The following HDLBP variants were observed in gnomAD, a reference collection of about 807,000 sequenced individuals.
The protein encoded by HDLBP is vigilin.
In HDLBP, 30 loss-of-function variants were observed where a neutral mutation model predicts 137.3. The ratio of observed to expected loss-of-function variants is 0.22; its 90% CI spans 0.16 to 0.30. The LOEUF is 0.30. Among genes scored for constraint, HDLBP ranks in the 10% least tolerant of loss-of-function variants. HDLBP has a pLI of 1.00. For synonymous variants in HDLBP, 606 were observed against 596.0 expected (o/e 1.02, Z -0.24); for missense variants, 1,119 against 1,667.3 (o/e 0.67, Z 5.73).
intron 1 of HDLBP, among the ~76,000 whole-genome samples, chr2:241,284,670 G>A (rs1414622402): frequency 6.6e-6 from 1 of 152,202 alleles, no homozygotes; most frequent in African/African-American, 2.4e-5. Context: ...AACATCACGT[G>A]CTACAGAGAA....
intron 1 of HDLBP, among the ~76,000 whole-genome samples, chr2:241,306,283 T>TG (rs2075571574): frequency 6.6e-6 from 1 of 151,094 alleles, no homozygotes; most frequent in South Asian, 2.1e-4. Flanking sequence ...TTTTTTGAGA[T>TG]GGAGTCTTGT....
In HDLBP at chr2:241,255,043, G is replaced by A; in HGVS notation, c.1188+8C>T. On this transcript the variant is annotated splice_region_variant and intron_variant, in intron 9 of 27. Coordinates refer to ENST00000310931, the MANE Select transcript of HDLBP (RefSeq NM_005336.6). Reference sequence around the variant, plus strand: ...ATTCAATACAACAGGTGAAAAACGTGTCCTTACCTTTGGCATCTGCTGAGT... The same window carrying A: ...ATTCAATACAACAGGTGAAAAACGTATCCTTACCTTTGGCATCTGCTGAGT... The A allele has an allele frequency of 6.3e-7, 1 of 1,580,806 alleles. No individual in the cohort carries two copies. The highest frequency in any genetic ancestry group is 8.7e-7 in the Non-Finnish European group (1 of 1,149,680).
chr2:241,314,472 A>G (rs571342963), intron 1 of HDLBP, among the ~76,000 whole-genome samples: 1 of 152,330 alleles, frequency 6.6e-6, no homozygotes, highest in South Asian at 2.1e-4. Context: ...GAAGTCATTG[A>G]TTGAGGGCTT....
chr2:241,257,902 G>C (rs1421004744), intron 5 of HDLBP, among the ~76,000 whole-genome samples: 1 of 152,190 alleles, frequency 6.6e-6, no homozygotes, highest in Non-Finnish European at 1.5e-5. Context: ...CCCAGAAACA[G>C]AGCTAAGTTA....
chr2:241,232,247 A>T (rs2069850221), intron 24 of HDLBP, among the ~76,000 whole-genome samples: 1 of 151,440 alleles, frequency 6.6e-6, no homozygotes, highest in Non-Finnish European at 1.5e-5. Context: ...GGTGTATTAG[A>T]TGGAATAGTC....
At chr2:241,267,127 C>T (rs1298700929) in intron 2 of HDLBP, among the ~76,000 whole-genome samples, 1 of 151,942 alleles carries the variant, frequency 6.6e-6, no homozygotes, top group African/African-American at 2.4e-5. Flanking sequence ...ACAGGGGTGG[C>T]CAATCTTTTG....
At position 241,229,307 on chromosome 2, in the gene HDLBP, C is replaced by A. The variant is rs947515663; in HGVS notation, c.*294G>T. On this transcript the variant is annotated 3_prime_UTR_variant, in exon 28 of 28. Coordinates refer to ENST00000310931, the MANE Select transcript of HDLBP (RefSeq NM_005336.6). ...GCTGCGGAGCTCTCGTGATGAAGGC[C>A]AGAGTGCTGACTGACATGCCGGGTG... 10 of 338,934 alleles carry A rather than the reference C, an allele frequency of 3.0e-5. No homozygotes were observed. In the Admixed American group the frequency reaches 4.6e-4, roughly 16 times the overall value. 21.0% of individuals were successfully genotyped at this position (338,934 alleles called of 1,614,324 possible).
intron 16 of HDLBP, among the ~76,000 whole-genome samples, chr2:241,245,786 C>G (rs1007615559): frequency 2.0e-5 from 3 of 152,012 alleles, no homozygotes; most frequent in Non-Finnish European, 4.4e-5. Context: ...TGGACGACAG[C>G]AAGACCTCAT....
intron 1 of HDLBP, among the ~76,000 whole-genome samples, chr2:241,295,810 G>C (rs947619970): frequency 3.3e-5 from 5 of 152,158 alleles, no homozygotes; most frequent in African/African-American, 1.2e-4. Flanking sequence ...GGCAGGGGTG[G>C]GAACCATGCA....
At chr2:241,236,835 T>C (rs2070537889) in intron 20 of HDLBP, 66 bp from the exon 21 acceptor site, 1 of 1,539,620 alleles carries the variant, frequency 6.5e-7, no homozygotes, top group Non-Finnish European at 8.9e-7. Flanking sequence ...TTGTTCAGAA[T>C]GCATATGTCT....
Position 241,256,613 on chromosome 2 carries a change from A to G in HDLBP, c.644T>C (p.Ile215Thr), listed in dbSNP as rs746016337. The change falls in exon 6 of 28, where the codon ATC becomes ACC. Residue 215 changes from isoleucine to threonine, a missense_variant. Ile to Thr is a moderately conservative substitution (Grantham distance 89, BLOSUM62 -1). Around this residue, in one of 4 missense-constraint regions of HDLBP, gnomAD observed 425 missense variants for 693.9 expected, o/e 0.61. Coordinates refer to ENST00000310931, the MANE Select transcript of HDLBP (RefSeq NM_005336.6). ...IEKARHEVLL[I>T]SAEQDKRAVE... The stretch of plus-strand genomic sequence containing the variant: ...CACAGGCCTCACCTGCTCGGCAGAG[A>G]TGAGTAAGACTTCATGGCGAGCTTT... The G allele has an allele frequency of 6.2e-7, 1 of 1,614,004 alleles. No homozygotes were observed. Among genetic ancestry groups the G allele is most frequent in the Non-Finnish European group, 8.5e-7 (1 of 1,180,016 alleles).
chr2:241,300,100 A>C (rs2075338600), intron 1 of HDLBP, among the ~76,000 whole-genome samples: 1 of 152,110 alleles, frequency 6.6e-6, no homozygotes, highest in South Asian at 2.1e-4. Flanking sequence ...TTTCATGAGA[A>C]AGTAGATTTT....
intron 14 of HDLBP, chr2:241,247,392 G>C (rs1056153200): frequency 3.9e-6 from 2 of 506,798 alleles, no homozygotes; most frequent in African/African-American, 1.9e-5. Context: ...GCCAGGATCA[G>C]AGCTGGTTAA....
At chr2:241,234,574 C>T (rs757858183) in intron 23 of HDLBP, among the ~76,000 whole-genome samples, 1 of 152,222 alleles carries the variant, frequency 6.6e-6, no homozygotes, top group Non-Finnish European at 1.5e-5. Flanking sequence ...GCTCCAAGTT[C>T]CAGAACCCCT....
At chr2:241,257,531 A>C (rs2072751602) in intron 5 of HDLBP, among the ~76,000 whole-genome samples, 1 of 152,186 alleles carries the variant, frequency 6.6e-6, no homozygotes, top group African/African-American at 2.4e-5. Context: ...GCGCCTGGCC[A>C]AAAGATGTGT....
At chr2:241,282,013 T>C (rs953390208) in intron 1 of HDLBP, among the ~76,000 whole-genome samples, 5 of 152,234 alleles carry the variant, frequency 3.3e-5, no homozygotes, top group Non-Finnish European at 7.3e-5. Flanking sequence ...TACAAATCTT[T>C]TGTGTTTAAT....
At chr2:241,297,652 G>T (rs2075230331) in intron 1 of HDLBP, among the ~76,000 whole-genome samples, 1 of 152,132 alleles carries the variant, frequency 6.6e-6, no homozygotes, top group South Asian at 2.1e-4. Context: ...AGGGAAGCAG[G>T]CCTTCTTGAA....
intron 5 of HDLBP, among the ~76,000 whole-genome samples, chr2:241,261,775 G>A (rs2073209427): frequency 6.6e-6 from 1 of 152,214 alleles, no homozygotes; most frequent in Non-Finnish European, 1.5e-5. Flanking sequence ...GTGGTTAAGT[G>A]GCACAGCTGG....
At position 241,238,071 on chromosome 2, in the gene HDLBP, A is replaced by G. The variant is rs1041163648; in HGVS notation, c.2749+578T>C. On this transcript the variant is annotated intron_variant, in intron 20 of 27. Transcript: ENST00000310931. This position sits in a 1 kb window ranked among gnomAD's most constrained non-coding sequence, Gnocchi z 4.9. ...CATCTGATAACACAGAGTGGAGGGCATACCTTTTGTTTCACAAATGCAGAG... is the reference window on the plus strand; with the variant it reads ...CATCTGATAACACAGAGTGGAGGGCGTACCTTTTGTTTCACAAATGCAGAG... Among the ~76,000 whole-genome samples, 1 of 152,218 alleles carries G rather than the reference A, an allele frequency of 6.6e-6. No individual in the cohort carries two copies. Among genetic ancestry groups the G allele is most frequent in the Non-Finnish European group, 1.5e-5 (1 of 68,032 alleles).
Sources: gnomAD v4.1 joint callset for allele counts (sites outside exome capture counted in the v4.1 genomes callset) on GRCh38, gnomAD v4.1.1 for gene constraint, gnomAD v4.1.1 regional missense constraint, Gnocchi (gnomAD v3.1) non-coding constraint, MANE v1.5 for transcripts, NCBI Gene and HGNC (gene_info 2026-07-23, HGNC 2026-07-21) for gene names.